The following DSCC1 variants were observed in gnomAD, a reference collection of about 807,000 sequenced individuals.
DSCC1 encodes DNA replication and sister chromatid cohesion 1, also known as sister chromatid cohesion protein DCC1.
Under a neutral mutation model 48.2 loss-of-function variants are expected in DSCC1, and 32 were observed. The observed-to-expected ratio is 0.66, with a 90% confidence interval of 0.50 to 0.89. DSCC1 has a LOEUF of 0.89. DSCC1 is among the 40% of genes least tolerant of loss of function. The pLI, the probability that DSCC1 is intolerant of heterozygous loss-of-function variation, is 0.00. For synonymous variants in DSCC1, 150 were observed against 171.5 expected (o/e 0.87, Z 0.98); for missense variants, 421 against 471.7 (o/e 0.89, Z 1.00).
rs189208481 is a variant in DSCC1, at chr8:119,842,600, G to A, written c.769+176C>T. Among the ~76,000 whole-genome samples, 67 of 151,786 alleles carry A rather than the reference G, an allele frequency of 4.4e-4. 1 individual carries two copies. The East Asian group carries it at 0.013, about 29-fold the overall frequency. On this transcript the variant is annotated intron_variant, in intron 6 of 8. Coordinates refer to ENST00000313655, the MANE Select transcript of DSCC1 (RefSeq NM_024094.3). Reference sequence around the variant, plus strand: ...AGCATTTTATCATGTTGCCCAAGCTGGTCTTGAAATCCTGGGTTCAAGCGA... The same window carrying A: ...AGCATTTTATCATGTTGCCCAAGCTAGTCTTGAAATCCTGGGTTCAAGCGA...
At chr8:119,844,808 G>A (rs1826831002) in intron 4 of DSCC1, among the ~76,000 whole-genome samples, 1 of 152,148 alleles carries the variant, frequency 6.6e-6, no homozygotes, top group African/African-American at 2.4e-5. Context: ...CATTTCATTA[G>A]AATGTCATAC....
At chr8:119,845,618 C>T (rs937520969) in intron 4 of DSCC1, among the ~76,000 whole-genome samples, 4 of 150,744 alleles carry the variant, frequency 2.7e-5, no homozygotes, top group Admixed American at 6.6e-5. Context: ...CAGAGGGCTG[C>T]ATTAAAATGC....
Position 119,843,699 on chromosome 8 carries a change from T to A in DSCC1, c.626A>T (p.His209Leu), listed in dbSNP as rs373751199. The change falls in exon 5 of 9, where the codon CAT becomes CTT. Residue 209 changes from histidine to leucine, a missense_variant. Around this residue, in one of 3 missense-constraint regions of DSCC1, gnomAD observed 238 missense variants for 259.0 expected, o/e 0.92. Coordinates refer to ENST00000313655, the MANE Select transcript of DSCC1 (RefSeq NM_024094.3). ...TTCAGAATCCACAAGCTGAGTTACATGATTCAGAAGTTTCATCTCATAATC... is the reference window on the plus strand; with the variant it reads ...TTCAGAATCCACAAGCTGAGTTACAAGATTCAGAAGTTTCATCTCATAATC... ...EFDYEMKLLN[H>L]VTQLVDSESW... The A allele has an allele frequency of 3.2e-5, 51 of 1,614,052 alleles. No individual in the cohort carries two copies. In the Middle Eastern group the frequency reaches 6.6e-4, roughly 21 times the overall value.
At chr8:119,848,242 T>G (rs1368476711) in intron 3 of DSCC1, among the ~76,000 whole-genome samples, 2 of 152,152 alleles carry the variant, frequency 1.3e-5, no homozygotes, top group Admixed American at 6.6e-5. Flanking sequence ...GGATTACAGG[T>G]GTGAACCATT....
chr8:119,836,873 C>A (rs566632425), intron 8 of DSCC1, among the ~76,000 whole-genome samples: 1 of 152,172 alleles, frequency 6.6e-6, no homozygotes, highest in African/African-American at 2.4e-5. Context: ...GAGACATCAA[C>A]AAAAGAGATG....
At chr8:119,849,184 CAAAA>C (rs550853227) in intron 3 of DSCC1, among the ~76,000 whole-genome samples, 3 of 29,506 alleles carry the variant, frequency 1.0e-4, no homozygotes, top group Non-Finnish European at 1.9e-4. Context: ...GACTCCCTCT[CAAAA>C]AAAAAAAAAA....
rs1393893962 is a variant in DSCC1 at position 119,853,057 on chromosome 8, A to G, written c.341T>C (p.Ile114Thr). The G allele has an allele frequency of 6.2e-7, 1 of 1,610,800 alleles. No individual in the cohort carries two copies. The highest frequency in any genetic ancestry group is 8.5e-7 in the Non-Finnish European group (1 of 1,177,974). Reference sequence around the variant, plus strand: ...TACAGAAAAGAGCACCTCAGTGTGAATAATGTTACAGTGTGAATCTTCCTT... The same window carrying G: ...TACAGAAAAGAGCACCTCAGTGTGAGTAATGTTACAGTGTGAATCTTCCTT... Reference protein sequence around the residue: ...LKKEDSHCNIIHTEIFGFSNN... With the variant: ...LKKEDSHCNITHTEIFGFSNN... Residue 114 changes from isoleucine (I) to threonine (T), a missense_variant, in exon 2 of 9, where the codon ATT (isoleucine) becomes ACT (threonine). Ile to Thr is a moderately conservative substitution (Grantham distance 89). Transcript: ENST00000313655.
chr8:119,844,435 C>CAA lies in DSCC1; in HGVS notation c.578-690_578-689dup, dbSNP rs71571634. Among the ~76,000 whole-genome samples, 274 of 103,842 alleles carry CAA rather than the reference C, an allele frequency of 2.6e-3. 3 individuals carry two copies. Among genetic ancestry groups the CAA allele is most frequent in the African/African-American group, 5.6e-3 (155 of 27,490 alleles). 68.1% of individuals were successfully genotyped at this position (103,842 alleles called of 152,430 possible). ...ACTTGGGCAATGGTGAGACTGTCTC[C>CAA]AAAAAAAAAAAAAAAAAAGTCTTCA... is the stretch of plus-strand genomic sequence containing the variant. On this transcript the variant is annotated intron_variant, in intron 4 of 8. Coordinates refer to ENST00000313655, the MANE Select transcript of DSCC1 (RefSeq NM_024094.3).
chr8:119,837,282 A>G (rs1426930845), intron 8 of DSCC1, among the ~76,000 whole-genome samples: 1 of 152,186 alleles, frequency 6.6e-6, no homozygotes, highest in Non-Finnish European at 1.5e-5. Context: ...AAGGCAGAGG[A>G]GATAGACCTA....
At chr8:119,847,331 CAAAAGA>C (rs1826871568) in intron 3 of DSCC1, among the ~76,000 whole-genome samples, 1 of 151,964 alleles carries the variant, frequency 6.6e-6, no homozygotes, top group Non-Finnish European at 1.5e-5. Context: ...ACCCAAACAA[CAAAAGA>C]AAAAGTAGAT....
rs748273892 is a variant in DSCC1 at position 119,855,852 on chromosome 8, A to G, written c.-57T>C. On this transcript the variant is annotated 5_prime_UTR_variant, in exon 1 of 9. Coordinates refer to ENST00000313655, the MANE Select transcript of DSCC1 (RefSeq NM_024094.3). ...CCGGGTGGCTGCGGGCTTGGCGGGC[A>G]AGAAAGAAGTTCCCAAGCAGCCGGA... 3.6e-6 allele frequency: 5 copies of G among 1,407,134 alleles called. No individual in the cohort carries two copies. The highest frequency in any genetic ancestry group is 3.1e-5 in the African/African-American group (2 of 65,398). The allele number at this position is 1,407,134 out of a possible 1,614,324, so 87.2% of individuals were successfully genotyped here.
intron 4 of DSCC1, among the ~76,000 whole-genome samples, chr8:119,846,320 G>T (rs1826856718): frequency 6.6e-6 from 1 of 151,986 alleles, no homozygotes; most frequent in African/African-American, 2.4e-5. Flanking sequence ...CACCATGTTG[G>T]CCAGGCTGGT....
chr8:119,855,837 G>C lies in DSCC1; in HGVS notation c.-42C>G, dbSNP rs1440311375. 2 of 1,414,570 alleles carry C rather than the reference G, an allele frequency of 1.4e-6. No homozygotes were observed. Among genetic ancestry groups the C allele is most frequent in the Non-Finnish European group, 1.8e-6 (2 of 1,084,026 alleles). 87.6% of individuals were successfully genotyped at this position (1,414,570 alleles called of 1,614,324 possible). On this transcript the variant is annotated 5_prime_UTR_variant, in exon 1 of 9. Transcript: ENST00000313655. Reference sequence around the variant, plus strand: ...GGAGTCCCGCCGCGCCCGGGTGGCTGCGGGCTTGGCGGGCAAGAAAGAAGT... The same window carrying C: ...GGAGTCCCGCCGCGCCCGGGTGGCTCCGGGCTTGGCGGGCAAGAAAGAAGT...
intron 4 of DSCC1, among the ~76,000 whole-genome samples, chr8:119,845,913 T>TACTCCAGCCTGGGTGACAGAGTGAG (rs1826849481): frequency 6.6e-6 from 1 of 151,950 alleles, no homozygotes; most frequent in Non-Finnish European, 1.5e-5. Context: ...CACGCCACTG[T>TACTCCAGCCTGGGTGACAGAGTGAG]ACTCCAGCCT....
chr8:119,849,174 G>A (rs1826907184), intron 3 of DSCC1, among the ~76,000 whole-genome samples: 1 of 70,118 alleles, frequency 1.4e-5, no homozygotes, highest in African/African-American at 5.4e-5. Context: ...GACAGAGCGA[G>A]ACTCCCTCTC....
rs554019835 is a variant in DSCC1 at position 119,838,204 on chromosome 8, G to A, written c.1073+55C>T. ...TCCAATCATAAATCTAAAATGCTGT[G>A]CCATTGACTATAAAAAGAACGACCC... On this transcript the variant is annotated intron_variant, in intron 8 of 8. Coordinates refer to ENST00000313655, the MANE Select transcript of DSCC1 (RefSeq NM_024094.3). The A allele has an allele frequency of 1.3e-3, 1,997 of 1,486,136 alleles. 4 individuals are homozygous for A. Among genetic ancestry groups the A allele is most frequent in the Non-Finnish European group, 1.7e-3 (1,891 of 1,117,974 alleles). 92.1% of individuals were successfully genotyped at this position (1,486,136 alleles called of 1,614,324 possible). A position where few individuals can be genotyped will look rare whatever the true frequency, so the allele number is the denominator to read the frequency against.
intron 4 of DSCC1, among the ~76,000 whole-genome samples, chr8:119,846,363 C>T (rs767253864): frequency 2.6e-5 from 4 of 152,056 alleles, no homozygotes; most frequent in African/African-American, 7.2e-5. Context: ...CGGCCAGCCT[C>T]GGCCTCCCAA....
In DSCC1 at chr8:119,853,187, G is replaced by C. The variant is rs781780011; in HGVS notation, c.211C>G (p.Gln71Glu). 2 of 1,611,326 alleles carry C rather than the reference G, an allele frequency of 1.2e-6. No individual in the cohort carries two copies. Among genetic ancestry groups the C allele is most frequent in the Non-Finnish European group, 1.7e-6 (2 of 1,178,272 alleles). Reference protein sequence around the residue: ...SLVIRGDKDEQAVLCSKDKTY... With the variant: ...SLVIRGDKDEEAVLCSKDKTY... ...TTGTCTTTACTGCACAGCACAGCTT[G>C]CTCGTCTTTATCACCACGAATCACA... is the stretch of plus-strand genomic sequence containing the variant. The change falls in exon 2 of 9, where the codon CAA becomes GAA. Residue 71 changes from glutamine (Q) to glutamate (E), a missense_variant. Around this residue, in one of 3 missense-constraint regions of DSCC1, gnomAD observed 174 missense variants for 184.5 expected, o/e 0.94. Transcript: ENST00000313655.
At chr8:119,847,667 C>CTT (rs869072335) in intron 3 of DSCC1, among the ~76,000 whole-genome samples, 8 of 52,934 alleles carry the variant, frequency 1.5e-4, no homozygotes, top group Non-Finnish European at 2.7e-4. Flanking sequence ...TCTTCTTTTT[C>CTT]TTTTTTTTTT....
Sources: gnomAD v4.1 joint callset for allele counts (sites outside exome capture counted in the v4.1 genomes callset) on GRCh38, gnomAD v4.1.1 for gene constraint, gnomAD v4.1.1 regional missense constraint, MANE v1.5 for transcripts, NCBI Gene and HGNC (gene_info 2026-07-23, HGNC 2026-07-21) for gene names.